FAAP20: variants seen among roughly 807,000 people sequenced by gnomAD.
The protein encoded by FAAP20 is Fanconi anemia core complex-associated protein 20.
Under a neutral mutation model 16.2 loss-of-function variants are expected in FAAP20, and 12 were observed. That is an observed-to-expected ratio of 0.74 (90% CI 0.48 to 1.20). FAAP20 has a LOEUF of 1.20. Among genes scored for constraint, FAAP20 ranks in the 50% most tolerant of loss-of-function variants. The pLI, the probability that FAAP20 is intolerant of heterozygous loss-of-function variation, is 0.00. For synonymous variants in FAAP20, 141 were observed against 110.7 expected (o/e 1.27, Z -1.72); for missense variants, 288 against 245.8 (o/e 1.17, Z -1.15).
downstream of FAAP20, chr1:2,186,059 C>G (rs963301457): frequency 2.2e-6 from 1 of 453,780 alleles, no homozygotes; most frequent in South Asian, 1.6e-5. Flanking sequence ...GCAGGGCTGC[C>G]AGCTGCCAGG....
intron 3 of FAAP20, chr1:2,190,272 C>A (rs749195205): frequency 7.9e-5 from 36 of 456,660 alleles, no homozygotes; most frequent in South Asian, 5.6e-4. Flanking sequence ...AGCCTCACCA[C>A]GGAGAAGGAC....
At chr1:2,201,314 G>T (rs575244359), upstream of FAAP20, 2 of 1,029,688 alleles carry the variant, frequency 1.9e-6, no homozygotes, top group Admixed American at 4.4e-5. Flanking sequence ...ACCTCTGTAG[G>T]CTCGAAGGCA....
chr1:2,193,127 G>A, intron 3 of FAAP20: 1 of 686,980 alleles, frequency 1.5e-6, no homozygotes, highest in South Asian at 1.8e-5. Context: ...GGGCCCAGAG[G>A]TCGCCAGACA....
chr1:2,188,819 C>A (rs1404281580), downstream of FAAP20, among the ~76,000 whole-genome samples: 5 of 151,266 alleles, frequency 3.3e-5, no homozygotes, highest in Non-Finnish European at 7.4e-5. Flanking sequence ...TCCTGGCTAA[C>A]ACGGTGAAAC....
chr1:2,187,147 G>A (rs950168306), downstream of FAAP20: 2 of 469,986 alleles, frequency 4.3e-6, no homozygotes, highest in South Asian at 1.6e-5. Flanking sequence ...CGGCTCTCCT[G>A]TGGATGACAC....
At chr1:2,194,600 G>T (rs1240129524) in intron 1 of FAAP20, 88 bp downstream of exon 1, 5 of 667,410 alleles carry the variant, frequency 7.5e-6, no homozygotes, top group African/African-American at 3.9e-5. Context: ...TCCCCAGGGG[G>T]AGAATAGAGC....
chr1:2,195,902 C>G (rs1688797209), upstream of FAAP20, among the ~76,000 whole-genome samples: 1 of 152,224 alleles, frequency 6.6e-6, no homozygotes, highest in South Asian at 2.1e-4. Context: ...GAGGCACCAA[C>G]CCCCAGGCCC....
intron 1 of FAAP20, 110 bp downstream of exon 1, chr1:2,194,578 G>A (rs1688676295): frequency 4.1e-6 from 2 of 487,190 alleles, no homozygotes; most frequent in African/African-American, 2.1e-5. Flanking sequence ...CGGGCCCGGG[G>A]GCAGGGAGCC....
At chr1:2,194,333 G>T (rs547243675) in intron 1 of FAAP20, 200 bp from the exon 2 acceptor site, 6 of 540,274 alleles carry the variant, frequency 1.1e-5, no homozygotes, top group Non-Finnish European at 1.9e-5. Flanking sequence ...ACTGGGGGTG[G>T]GGGAGCGGGG....
At chr1:2,185,268 G>A (rs762297132), downstream of FAAP20, 30 of 715,850 alleles carry the variant, frequency 4.2e-5, no homozygotes, top group South Asian at 8.9e-5. Context: ...GGACCCTGCC[G>A]AGGGGGCTGT....
At chr1:2,184,719 G>A (rs763005451), downstream of FAAP20, 3 of 1,601,218 alleles carry the variant, frequency 1.9e-6, no homozygotes, top group East Asian at 2.2e-5. Flanking sequence ...CTGGGTGCGG[G>A]TCCCTGGAGC....
chr1:2,190,455 G>C (rs1385419968), intron 3 of FAAP20: 2 of 444,398 alleles, frequency 4.5e-6, no homozygotes, highest in Admixed American at 4.8e-5. Flanking sequence ...GGGGCCGGGA[G>C]GGGTGTCTGA....
At position 2,194,037 on chromosome 1, in the gene FAAP20, C is replaced by T; in HGVS notation, c.159G>A (p.Leu53=). ...LLRTVSPELI[L]DHEVPSLPAF... ...CGGGCAGTGAAGGCACCTCGTGATC[C>T]AGGATCAGCTCCGGGCTCACCGTGC... Residue 53 remains leucine (L), a synonymous_variant, in exon 2 of 4, where the codon CTG becomes CTA. Transcript: ENST00000378546. The T allele has an allele frequency of 6.2e-7, 1 of 1,612,716 alleles. No homozygotes were observed. Among genetic ancestry groups the T allele is most frequent in the Non-Finnish European group, 8.5e-7 (1 of 1,179,966 alleles).
At chr1:2,187,549 C>T (rs1687737025), downstream of FAAP20, among the ~76,000 whole-genome samples, 1 of 152,206 alleles carries the variant, frequency 6.6e-6, no homozygotes, top group African/African-American at 2.4e-5. Flanking sequence ...GGTGATCCAC[C>T]TGCCTCAGCC....
At chr1:2,203,588 C>T, upstream of FAAP20, 1 of 986,130 alleles carries the variant, frequency 1.0e-6, no homozygotes, top group Non-Finnish European at 1.2e-6. Context: ...GGGCAGGTCC[C>T]ACATTTCTCA....
chr1:2,209,053 G>C (rs1689363640), downstream of FAAP20, among the ~76,000 whole-genome samples: 1 of 152,166 alleles, frequency 6.6e-6, no homozygotes, highest in Non-Finnish European at 1.5e-5. Flanking sequence ...GTTAGGAGCA[G>C]AGCCCCCCAG....
At chr1:2,211,469 C>G (rs1689445889), downstream of FAAP20, among the ~76,000 whole-genome samples, 1 of 59,136 alleles carries the variant, frequency 1.7e-5, no homozygotes, top group South Asian at 6.5e-4. Flanking sequence ...TTTTTTGAGA[C>G]AGAGTCTTGC....
In FAAP20 at chr1:2,193,701, C is replaced by CGG. The variant is rs1553184221; in HGVS notation, c.406_407dup (p.Ser137ArgfsTer23). On this transcript the variant is annotated frameshift_variant, in exon 3 of 4. Transcript: ENST00000378546. LOFTEE classifies it high-confidence loss of function. ...GCAGGGCCGCGGCACCCTCCACAGACGGCTGCTGCTCCACCCTGGGGGCCC... is the reference window on the plus strand; with the variant it reads ...GCAGGGCCGCGGCACCCTCCACAGACGGGGCTGCTGCTCCACCCTGGGGGCCC... 1.3e-6 allele frequency: 2 copies of CGG among 1,595,638 alleles called. No individual in the cohort carries two copies. Among genetic ancestry groups the CGG allele is most frequent in the Non-Finnish European group, 1.7e-6 (2 of 1,174,138 alleles).
intron 1 of FAAP20, 40 bp from the exon 2 acceptor site, chr1:2,194,173 G>C (rs781230291): frequency 6.2e-7 from 1 of 1,608,406 alleles, no homozygotes; most frequent in Non-Finnish European, 8.5e-7. Context: ...GTACTCAGTA[G>C]CGGAAACGCT....
Sources: gnomAD v4.1 joint callset for allele counts (sites outside exome capture counted in the v4.1 genomes callset) on GRCh38, gnomAD v4.1.1 for gene constraint, MANE v1.5 for transcripts, NCBI Gene and HGNC (gene_info 2026-07-23, HGNC 2026-07-21) for gene names.